The following ACYP2 variants were observed in gnomAD, a reference collection of about 807,000 sequenced individuals.
ACYP2 encodes the protein acylphosphatase 2.
ACYP2 carries 12 observed loss-of-function variants against 11.2 expected under a neutral mutation model. The ratio of observed to expected loss-of-function variants is 1.08; its 90% CI spans 0.69 to 1.74. The LOEUF is 1.74. Ranked by LOEUF, ACYP2 falls within the 40% of genes most tolerant of loss-of-function variation. The pLI, the probability that ACYP2 is intolerant of heterozygous loss-of-function variation, is 0.00. For missense variants in ACYP2, 134 were observed against 101.9 expected, an observed-to-expected ratio of 1.31 and a Z score of -1.35; for synonymous variants, 43 against 32.2, an observed-to-expected ratio of 1.33 and a Z score of -1.13.
At chr2:54,066,457 G>A (rs994976876) in intron 4 of ACYP2, among the ~76,000 whole-genome samples, 5 of 152,102 alleles carry the variant, frequency 3.3e-5, no homozygotes, top group Non-Finnish European at 7.3e-5. Context: ...ACTAGTGCAC[G>A]CTTCAACCGT....
chr2:54,125,115 T>TAAAA (rs542921293), intron 4 of ACYP2, among the ~76,000 whole-genome samples: 1 of 147,632 alleles, frequency 6.8e-6, no homozygotes, highest in Non-Finnish European at 1.5e-5. Flanking sequence ...CACATGGATT[T>TAAAA]AAAAAAAAAA....
chr2:53,987,631 G>A (rs1396268077), intron 2 of ACYP2, among the ~76,000 whole-genome samples: 1 of 152,162 alleles, frequency 6.6e-6, no homozygotes, highest in African/African-American at 2.4e-5. Context: ...CGGTTTCTCT[G>A]CCAATACCTG....
At position 54,071,973 on chromosome 2, in the gene ACYP2, T is replaced by C. The variant is rs186661546; in HGVS notation, c.277+14613T>C. ...TTGCAGTGAGCTGAGATCGCACCAC[T>C]GCACTCCAGCCTGGGAGACAGAGCG... On this transcript the variant is annotated intron_variant, in intron 4 of 6. Transcript: ENST00000607452. Among the ~76,000 whole-genome samples, 1,034 of 152,130 alleles carry C rather than the reference T, an allele frequency of 6.8e-3. 10 individuals carry two copies. Among genetic ancestry groups the C allele is most frequent in the African/African-American group, 0.023 (956 of 41,480 alleles).
chr2:54,194,682 A>C (rs1283974472), intron 6 of ACYP2, among the ~76,000 whole-genome samples: 2 of 152,178 alleles, frequency 1.3e-5, no homozygotes, highest in African/African-American at 4.8e-5. Context: ...TAATATATTT[A>C]CAAGTTCTGC....
intron 2 of ACYP2, among the ~76,000 whole-genome samples, chr2:54,046,482 TAAAA>T (rs34695884): frequency 1.1e-5 from 1 of 88,788 alleles, no homozygotes; most frequent in Non-Finnish European, 2.4e-5. Flanking sequence ...CAAGACTGTC[TAAAA>T]AAAAAAAAAA....
At chr2:54,147,611 A>G (rs1185609105) in intron 6 of ACYP2, among the ~76,000 whole-genome samples, 1 of 152,076 alleles carries the variant, frequency 6.6e-6, no homozygotes, top group Non-Finnish European at 1.5e-5. Flanking sequence ...TGCAGCCTTG[A>G]TCTCCTGGGC....
chr2:54,035,876 C>T (rs1048952726), intron 2 of ACYP2, among the ~76,000 whole-genome samples: 1 of 152,060 alleles, frequency 6.6e-6, no homozygotes, highest in Non-Finnish European at 1.5e-5. Flanking sequence ...ACTGTAGGAT[C>T]AGAGCAGAAA....
chr2:54,208,756 G>C (rs1426317872), intron 6 of ACYP2, among the ~76,000 whole-genome samples: 1 of 151,638 alleles, frequency 6.6e-6, no homozygotes, highest in Non-Finnish European at 1.5e-5. Flanking sequence ...AAAAGTAAGA[G>C]GAAAAATTGT....
intron 2 of ACYP2, among the ~76,000 whole-genome samples, chr2:54,014,089 C>T (rs969288104): frequency 5.3e-5 from 8 of 151,214 alleles, no homozygotes; most frequent in Admixed American, 1.3e-4. Context: ...ACCTGGGAGG[C>T]GGAAATTGCA....
At chr2:54,133,453 G>A (rs987674271) in intron 4 of ACYP2, among the ~76,000 whole-genome samples, 3 of 151,876 alleles carry the variant, frequency 2.0e-5, no homozygotes, top group African/African-American at 4.8e-5. Context: ...TTTTGAGTAC[G>A]AAAAAGTAAA....
chr2:54,255,022 G>T (rs1414324329), intron 6 of ACYP2: 1 of 1,614,142 alleles, frequency 6.2e-7, no homozygotes, highest in East Asian at 2.2e-5. Context: ...GTACTGCAGT[G>T]GATTTGACCA....
chr2:54,191,584 T>C (rs1389091411), intron 6 of ACYP2, among the ~76,000 whole-genome samples: 1 of 151,884 alleles, frequency 6.6e-6, no homozygotes, highest in African/African-American at 2.4e-5. Context: ...GGATAATAAA[T>C]GTACCTATAT....
Position 54,141,971 on chromosome 2 carries a change from A to C in ACYP2, c.404+3223A>C, listed in dbSNP as rs1005620571. The C allele has an allele frequency of 3.4e-5, 18 of 536,374 alleles. No homozygotes were observed. In the East Asian group the frequency reaches 5.2e-4, roughly 16 times the overall value. The allele number at this position is 536,374 out of a possible 1,614,324, so 33.2% of individuals were successfully genotyped here. ...TCCCACGTCAACCTCCTGAGTGCAC[A>C]TGCTGGCTAATTTGTGTGTGTGTGT... On this transcript the variant is annotated intron_variant, in intron 6 of 6. Coordinates refer to ENST00000607452, the MANE Select transcript of ACYP2 (RefSeq NM_001320586.2).
chr2:54,295,750 T>A (rs13386287), intron 6 of ACYP2, among the ~76,000 whole-genome samples: 2,004 of 152,220 alleles, frequency 0.013, 47 homozygotes, highest in African/African-American at 0.045. Flanking sequence ...TAGTAAGACC[T>A]ATCCTGCCAC....
At chr2:54,052,815 G>A (rs911107367) in intron 3 of ACYP2, among the ~76,000 whole-genome samples, 3 of 152,150 alleles carry the variant, frequency 2.0e-5, no homozygotes, top group African/African-American at 7.2e-5. Context: ...GAAGTAGGTG[G>A]CCCATGAGGA....
At chr2:54,230,009 G>C (rs1686165446) in intron 6 of ACYP2, among the ~76,000 whole-genome samples, 1 of 152,104 alleles carries the variant, frequency 6.6e-6, no homozygotes, top group Non-Finnish European at 1.5e-5. Context: ...CATGAGATGG[G>C]TTTTATTTGA....
chr2:54,286,204 T>C (rs1332151342), intron 6 of ACYP2, among the ~76,000 whole-genome samples: 2 of 151,974 alleles, frequency 1.3e-5, no homozygotes, highest in Admixed American at 1.3e-4. Flanking sequence ...ACCAACCCTA[T>C]AGCTGGGCTA....
intron 4 of ACYP2, among the ~76,000 whole-genome samples, chr2:54,067,997 T>C (rs925467899): frequency 3.3e-5 from 5 of 152,212 alleles, no homozygotes; most frequent in Middle Eastern, 3.2e-3. Flanking sequence ...GAACACACAT[T>C]GTTTAATGTG....
intron 2 of ACYP2, among the ~76,000 whole-genome samples, chr2:54,049,722 T>C (rs900460146): frequency 2.0e-5 from 3 of 152,042 alleles, no homozygotes; most frequent in Non-Finnish European, 2.9e-5. Flanking sequence ...TAAAAAAGAG[T>C]ATCTCCTCAT....
Sources: allele counts gnomAD v4.1 joint callset (sites outside exome capture counted in the v4.1 genomes callset), GRCh38; gene constraint gnomAD v4.1.1; transcripts MANE v1.5; gene names NCBI Gene and HGNC (gene_info 2026-07-23, HGNC 2026-07-21).